TBX3: variants seen among roughly 807,000 people sequenced by gnomAD.
TBX3 encodes T-box transcription factor TBX3.
In TBX3, 11 loss-of-function variants were observed where a neutral mutation model predicts 47.8. The observed-to-expected ratio is 0.23, with a 90% CI of 0.14 to 0.38. The LOEUF is 0.38. Ranked by LOEUF, TBX3 falls within the 10% of genes least tolerant of loss-of-function variation. The pLI is 1.00. For missense variants in TBX3, 927 were observed against 1,022.8 expected, an observed-to-expected ratio of 0.91 and a Z score of 1.28; for synonymous variants, 500 against 449.3, an observed-to-expected ratio of 1.11 and a Z score of -1.43.
chr12:114,683,230 C>A lies in TBX3; in HGVS notation c.-30G>T, dbSNP rs764857971. ...TCCAGGCGGGGCGCTGGGCTCCAGC[C>A]GGGGACAAGTCCGCAGCTGCTGTGT... On this transcript the variant is annotated 5_prime_UTR_variant, in exon 1 of 7. Coordinates refer to ENST00000349155, the MANE Select transcript of TBX3 (RefSeq NM_005996.4). The surrounding 1 kb of genome is among the most constrained non-coding windows in gnomAD (Gnocchi z 7.7). 4 of 1,605,260 alleles carry A rather than the reference C, an allele frequency of 2.5e-6. No homozygotes were observed. The South Asian group carries it at 3.3e-5, about 13-fold the overall frequency.
chr12:114,671,699 C>G lies in TBX3; in HGVS notation c.*142G>C, dbSNP rs1166825253. 7 of 992,124 alleles carry G rather than the reference C, an allele frequency of 7.1e-6. No individual in the cohort carries two copies. Among genetic ancestry groups the G allele is most frequent in the South Asian group, 1.4e-5 (1 of 71,046 alleles). The allele number at this position is 992,124 out of a possible 1,614,324, so 61.5% of individuals were successfully genotyped here. ...AGGGGCTGTCTCTAGCACATTCTCT[C>G]GAGGGAGTCCGGGGCCCCTTCCCAG... On this transcript the variant is annotated 3_prime_UTR_variant, in exon 7 of 7. Transcript: ENST00000349155.
intron 3 of TBX3, among the ~76,000 whole-genome samples, chr12:114,678,137 T>A (rs1868789714): frequency 6.6e-6 from 1 of 151,372 alleles, no homozygotes; most frequent in Non-Finnish European, 1.5e-5. Context: ...TGAGTTTAAT[T>A]TTTTTTTTCT....
At chr12:114,679,859 G>C (rs1592850593) in intron 2 of TBX3, 1 of 1,590,972 alleles carries the variant, frequency 6.3e-7, no homozygotes, top group Non-Finnish European at 8.6e-7. Flanking sequence ...TTGCCAAAGG[G>C]CCCCCCCCAC....
chr12:114,682,973 G>C lies in TBX3; in HGVS notation c.228C>G (p.Ile76Met), dbSNP rs1185072539. The change falls in exon 1 of 7, where the codon ATC becomes ATG. Residue 76 changes from isoleucine to methionine, a missense_variant. This residue lies in a region of TBX3 where 216 missense variants were observed against 281.2 expected (regional missense o/e 0.77). Coordinates refer to ENST00000349155, the MANE Select transcript of TBX3 (RefSeq NM_005996.4). ...CCTGGGGCCCCAGGGAGGAGAACGG[G>C]ATGCCGGTCTCGGCCGCCCCCACCA... is the stretch of plus-strand genomic sequence containing the variant. ...DQLVGAAETGIPFSSLGPQAH... is the reference protein window; with the variant it reads ...DQLVGAAETGMPFSSLGPQAH... 6.2e-7 allele frequency: 1 copy of C among 1,614,150 alleles called. No homozygotes were observed.
In TBX3 at chr12:114,683,656, CTT is replaced by C. The variant is rs1441971431; in HGVS notation, c.-458_-457del. 6 of 232,028 alleles carry C rather than the reference CTT, an allele frequency of 2.6e-5. No individual in the cohort carries two copies. The highest frequency in any genetic ancestry group is 5.1e-5 in the Non-Finnish European group (6 of 118,146). The allele number at this position is 232,028 out of a possible 1,614,324, so 14.4% of individuals were successfully genotyped here. ...AAATGTGAAAGGTTCTCCTAGAAGA[CTT>C]TTTACCTTTCTTTTTCTTCTTCCCC... On this transcript the variant is annotated 5_prime_UTR_variant, in exon 1 of 7. Transcript: ENST00000349155. This position sits in a 1 kb window ranked among gnomAD's most constrained non-coding sequence, Gnocchi z 7.7.
rs377213076 is a variant in TBX3 at position 114,682,955 on chromosome 12, C to T, written c.246G>A (p.Gly82=). 68 of 1,614,038 alleles carry T rather than the reference C, an allele frequency of 4.2e-5. No homozygotes were observed. In the African/African-American group the frequency reaches 7.6e-4, roughly 18 times the overall value. The change falls in exon 1 of 7, where the codon GGG becomes GGA. Residue 82 remains glycine, a synonymous_variant. Transcript: ENST00000349155. The part of the protein sequence containing the change: ...AETGIPFSSL[G]PQAHLRPLKT... ...TCAAAGGCCTCAGATGCGCCTGGGG[C>T]CCCAGGGAGGAGAACGGGATGCCGG...
At chr12:114,676,514 T>G (rs759743338) in intron 4 of TBX3, 44 bp from the exon 5 acceptor site, 3 of 1,612,780 alleles carry the variant, frequency 1.9e-6, no homozygotes, top group Non-Finnish European at 2.5e-6. Context: ...GTAACATACA[T>G]TTCCCCTCTT....
chr12:114,676,616 C>A (rs1868722261), intron 4 of TBX3, 146 bp from the exon 5 acceptor site: 1 of 1,095,956 alleles, frequency 9.1e-7, no homozygotes, highest in African/African-American at 1.5e-5. Context: ...ATCTGCTTGC[C>A]CCAGGGCAGC....
chr12:114,675,718 G>A (rs926615863), intron 5 of TBX3, among the ~76,000 whole-genome samples: 1 of 151,864 alleles, frequency 6.6e-6, no homozygotes, highest in Non-Finnish European at 1.5e-5. Flanking sequence ...ACAGGTAACT[G>A]AGGGGGGATT....
chr12:114,676,537 C>A, intron 4 of TBX3, 67 bp from the exon 5 acceptor site: 2 of 1,603,788 alleles, frequency 1.2e-6, no homozygotes, highest in South Asian at 1.1e-5. Flanking sequence ...TTTCCCTTAC[C>A]CTTTCCAAAG....
intron 1 of TBX3, among the ~76,000 whole-genome samples, chr12:114,681,544 C>T (rs1477202992): frequency 2.6e-5 from 4 of 152,078 alleles, no homozygotes; most frequent in Admixed American, 6.5e-5. Flanking sequence ...TTGTAAAGCG[C>T]GGTCAGTTAA....
At chr12:114,672,538 TTTGA>T (rs1341378846) in intron 6 of TBX3, among the ~76,000 whole-genome samples, 1 of 151,954 alleles carries the variant, frequency 6.6e-6, no homozygotes, top group Non-Finnish European at 1.5e-5. Flanking sequence ...GCCAAGAGAC[TTTGA>T]TTAACTTGTG....
In TBX3 at chr12:114,674,292, C is replaced by A. The variant is rs1296134076; in HGVS notation, c.1583G>T (p.Gly528Val). ...CAGGCCCGAGACACCGGTGGAGGCCCCAGAAACCGTGGCCAGGAGGGGACC... is the reference window on the plus strand; with the variant it reads ...CAGGCCCGAGACACCGGTGGAGGCCACAGAAACCGTGGCCAGGAGGGGACC... ...GMGPLLATVS[G>V]ASTGVSGLDS... Residue 528 changes from glycine (G) to valine (V), a missense_variant, in exon 6 of 7, where the codon GGG (glycine) becomes GTG (valine). By Grantham distance (109) the Gly-to-Val change is moderately radical. Transcript: ENST00000349155. The A allele has an allele frequency of 1.3e-6, 2 of 1,580,536 alleles. No individual in the cohort carries two copies. The highest frequency in any genetic ancestry group is 1.7e-6 in the Non-Finnish European group (2 of 1,163,586).
chr12:114,682,829 G>T lies in TBX3; in HGVS notation c.372C>A (p.Val124=). Residue 124 remains valine, a synonymous_variant, in exon 1 of 7, where the codon GTC becomes GTA. Transcript: ENST00000349155. The part of the protein sequence containing the change: ...DQFHKRGTEM[V]ITKSGRRMFP... ...CTGCTTACCTTCCCGACTTGGTAATGACCATCTCGGTGCCCCGCTTGTGAA... is the reference window on the plus strand; with the variant it reads ...CTGCTTACCTTCCCGACTTGGTAATTACCATCTCGGTGCCCCGCTTGTGAA... 6.2e-7 allele frequency: 1 copy of T among 1,614,162 alleles called. No homozygotes were observed. Among genetic ancestry groups the T allele is most frequent in the South Asian group, 1.1e-5 (1 of 91,052 alleles).
chr12:114,674,129 G>A (rs377574870), intron 6 of TBX3, 36 bp downstream of exon 6: 38 of 1,566,718 alleles, frequency 2.4e-5, no homozygotes, highest in East Asian at 1.6e-4. Context: ...GACGAAAGGT[G>A]GAAAGACTGG....
At chr12:114,674,894 C>T (rs2121385950) in intron 5 of TBX3, 59 bp from the exon 6 acceptor site, 37 of 1,535,644 alleles carry the variant, frequency 2.4e-5, no homozygotes, top group Non-Finnish European at 3.1e-5. Flanking sequence ...TATGAGCCAA[C>T]GGAACTCCAG....
chr12:114,683,475 T>C lies in TBX3; in HGVS notation c.-275A>G, dbSNP rs886049015. The C allele has an allele frequency of 6.7e-6, 3 of 450,882 alleles. No individual in the cohort carries two copies. Among genetic ancestry groups the C allele is most frequent in the East Asian group, 3.6e-5 (1 of 27,844 alleles). The allele number at this position is 450,882 out of a possible 1,614,324, so 27.9% of individuals were successfully genotyped here. On this transcript the variant is annotated 5_prime_UTR_variant, in exon 1 of 7. Coordinates refer to ENST00000349155, the MANE Select transcript of TBX3 (RefSeq NM_005996.4). This position sits in a 1 kb window ranked among gnomAD's most constrained non-coding sequence, Gnocchi z 7.7. ...TCGCGCGGGTGACCGTCCTTGTGCC[T>C]TGCGTTTTTAAAAAGCCGCTCCTGA...
intron 2 of TBX3, 104 bp from the exon 3 acceptor site, chr12:114,679,755 C>A (rs1868849278): frequency 6.4e-7 from 1 of 1,572,740 alleles, no homozygotes; most frequent in African/African-American, 1.4e-5. Flanking sequence ...CCGCAGGGTA[C>A]CACGCTTGTA....
intron 1 of TBX3, 56 bp downstream of exon 1, chr12:114,682,756 A>G: frequency 6.2e-7 from 1 of 1,613,652 alleles, no homozygotes; most frequent in East Asian, 2.2e-5. Context: ...GAGCAGAGAA[A>G]TAAAGGGAGG....
Sources: gnomAD v4.1 joint callset for allele counts (sites outside exome capture counted in the v4.1 genomes callset) on GRCh38, gnomAD v4.1.1 for gene constraint, gnomAD v4.1.1 regional missense constraint, Gnocchi (gnomAD v3.1) non-coding constraint, MANE v1.5 for transcripts, NCBI Gene and HGNC (gene_info 2026-07-23, HGNC 2026-07-21) for gene names.